The following TAS1R2 variants were observed in gnomAD, a reference collection of about 807,000 sequenced individuals.
The protein encoded by TAS1R2 is taste receptor type 1 member 2.
Under a neutral mutation model 49.3 loss-of-function variants are expected in TAS1R2, and 47 were observed. That is an observed-to-expected ratio of 0.95 (90% CI 0.75 to 1.22). The LOEUF is 1.22. TAS1R2 is among the 50% of genes most tolerant of loss of function. The pLI is 0.00. For missense variants in TAS1R2, 1,155 were observed against 1,122.1 expected, an observed-to-expected ratio of 1.03 and a Z score of -0.42; for synonymous variants, 479 against 467.9, an observed-to-expected ratio of 1.02 and a Z score of -0.31.
At chr1:18,851,496 A>AT (rs1481641041) in intron 3 of TAS1R2, among the ~76,000 whole-genome samples, 1 of 151,858 alleles carries the variant, frequency 6.6e-6, no homozygotes, top group African/African-American at 2.4e-5. Flanking sequence ...TGCCCAGCTA[A>AT]TTTTTTGTTT....
At position 18,854,339 on chromosome 1, in the gene TAS1R2, G is replaced by A; in HGVS notation, c.1131C>T (p.Leu377=). The change falls in exon 3 of 6, where the codon CTC becomes CTT. Residue 377 remains leucine (L), a synonymous_variant. Transcript: ENST00000375371. The surrounding 1 kb of genome is among the most constrained non-coding windows in gnomAD (Gnocchi z 4.9). ...AGACGACACGCTCCCCAGAGAGCCT[G>A]AGAATGGTGTTGAAGGACAAGGTGG... 1.2e-6 allele frequency: 2 copies of A among 1,614,004 alleles called. No homozygotes were observed. The highest frequency in any genetic ancestry group is 1.7e-6 in the Non-Finnish European group (2 of 1,179,918).
intron 1 of TAS1R2, among the ~76,000 whole-genome samples, chr1:18,858,982 C>T (rs1934190487): frequency 6.6e-6 from 1 of 152,200 alleles, no homozygotes; most frequent in African/African-American, 2.4e-5. Context: ...CCACAATCTC[C>T]AAGTGATGCT....
At chr1:18,844,535 A>G (rs1003323790) in intron 4 of TAS1R2, among the ~76,000 whole-genome samples, 2 of 152,164 alleles carry the variant, frequency 1.3e-5, no homozygotes, top group African/African-American at 2.4e-5. Context: ...CGGCAGATCA[A>G]TTGAGGTCAG....
At chr1:18,840,247 C>A in exon 6 of TAS1R2, 1 of 1,613,988 alleles carries the variant, frequency 6.2e-7, no homozygotes, top group Non-Finnish European at 8.5e-7. Context: ...AGACCTTGGG[C>A]GGCCCCACGT....
At chr1:18,851,164 G>A (rs1934014258) in intron 3 of TAS1R2, among the ~76,000 whole-genome samples, 1 of 152,108 alleles carries the variant, frequency 6.6e-6, no homozygotes, top group Non-Finnish European at 1.5e-5. Flanking sequence ...CGAACAGGTG[G>A]GCCATATCCG....
chr1:18,844,684 G>A (rs922640156), intron 4 of TAS1R2, among the ~76,000 whole-genome samples: 6 of 152,144 alleles, frequency 3.9e-5, no homozygotes, highest in African/African-American at 1.4e-4. Context: ...ATCCCTGGGG[G>A]CGGAGGTTGC....
Position 18,854,108 on chromosome 1 carries a change from G to T in TAS1R2, c.1257+105C>A. On this transcript the variant is annotated intron_variant, in intron 3 of 5. Transcript: ENST00000375371. This position sits in a 1 kb window ranked among gnomAD's most constrained non-coding sequence, Gnocchi z 4.9. ...GCACCAGGAAGGACTAGTGCTATGT[G>T]TCTGGAAGAATGGGATACTCATGCC... is the stretch of plus-strand genomic sequence containing the variant. 1 of 1,155,866 alleles carries T rather than the reference G, an allele frequency of 8.7e-7. No homozygotes were observed. The allele number at this position is 1,155,866 out of a possible 1,614,324, so 71.6% of individuals were successfully genotyped here.
chr1:18,854,148 T>TTC lies in TAS1R2; in HGVS notation c.1257+64_1257+65insGA. The TTC allele has an allele frequency of 6.6e-7, 1 of 1,503,956 alleles. No individual in the cohort carries two copies. The highest frequency in any genetic ancestry group is 1.4e-5 in the African/African-American group (1 of 72,750). 93.2% of individuals were successfully genotyped at this position (1,503,956 alleles called of 1,614,324 possible). On this transcript the variant is annotated intron_variant, in intron 3 of 5. Transcript: ENST00000375371. This position sits in a 1 kb window ranked among gnomAD's most constrained non-coding sequence, Gnocchi z 4.9. ...ATACTCATGCCCTTTCACACCCATT[T>TTC]GCCCAGAACCCCAGGGGAGGAGGAT...
chr1:18,841,119 A>G (rs1039088094), intron 5 of TAS1R2, among the ~76,000 whole-genome samples: 1 of 152,264 alleles, frequency 6.6e-6, no homozygotes, highest in Non-Finnish European at 1.5e-5. Context: ...CATTTAATTT[A>G]CATGAAGTCA....
exon 6 of TAS1R2, chr1:18,839,747 A>G: frequency 1.2e-6 from 2 of 1,614,256 alleles, no homozygotes; most frequent in South Asian, 1.1e-5. Context: ...CAAGAGGTCC[A>G]CGATGGTGAC....
chr1:18,855,863 T>C (rs1160329975), intron 2 of TAS1R2, among the ~76,000 whole-genome samples: 1 of 152,198 alleles, frequency 6.6e-6, no homozygotes, highest in African/African-American at 2.4e-5. Context: ...CAGGTCACAC[T>C]GGATCCATCA....
chr1:18,857,835 C>G (rs981279233), intron 1 of TAS1R2, among the ~76,000 whole-genome samples: 1 of 152,242 alleles, frequency 6.6e-6, no homozygotes, highest in African/African-American at 2.4e-5. Flanking sequence ...ATGGCCACCA[C>G]TGATACTGTT....
rs144954233 is a variant in TAS1R2 at position 18,839,663 on chromosome 1, G to A, written c.2456C>T (p.Pro819Leu). ...GAAGTAGGCGGGCGTGTTGCGCTCCGGGTAGAAGAGGATCATGTAGCACTT... is the reference window on the plus strand; with the variant it reads ...GAAGTAGGCGGGCGTGTTGCGCTCCAGGTAGAAGAGGATCATGTAGCACTT... Residue 819 changes from proline (P) to leucine (L), a missense_variant, in exon 6 of 6, where the codon CCG becomes CTG. Physicochemically the swap from Pro to Leu is moderately conservative, Grantham distance 98 (BLOSUM62 -3). Coordinates refer to ENST00000375371, the Ensembl canonical transcript of TAS1R2. 2.5e-4 allele frequency: 411 copies of A among 1,614,168 alleles called. 2 individuals are homozygous for A. Among genetic ancestry groups the A allele is most frequent in the African/African-American group, 6.3e-4 (47 of 75,036 alleles).
intron 3 of TAS1R2, among the ~76,000 whole-genome samples, chr1:18,853,622 C>T (rs1488609907): frequency 2.0e-5 from 3 of 152,024 alleles, no homozygotes; most frequent in Non-Finnish European, 2.9e-5. Flanking sequence ...GGAGGCTGGC[C>T]CCAAACTGTG....
Position 18,854,811 on chromosome 1 carries a change from C to T in TAS1R2, c.659G>A (p.Gly220Asp). ...GGCCACGCGCTCGCCAAGCAGCTGGCCATTGTCGCGGCCATAGGTGTCGCT... is the reference window on the plus strand; with the variant it reads ...GGCCACGCGCTCGCCAAGCAGCTGGTCATTGTCGCGGCCATAGGTGTCGCT... The change falls in exon 3 of 6, where the codon GGC becomes GAC. Residue 220 changes from glycine to aspartate, a missense_variant. Physicochemically the swap from Gly to Asp is moderately conservative, Grantham distance 94. Transcript: ENST00000375371. This position sits in a 1 kb window ranked among gnomAD's most constrained non-coding sequence, Gnocchi z 4.9. 1 of 1,606,536 alleles carries T rather than the reference C, an allele frequency of 6.2e-7. No homozygotes were observed. Among genetic ancestry groups the T allele is most frequent in the Non-Finnish European group, 8.5e-7 (1 of 1,179,006 alleles).
chr1:18,856,784 C>T (rs1934142421), intron 2 of TAS1R2, among the ~76,000 whole-genome samples: 1 of 152,144 alleles, frequency 6.6e-6, no homozygotes, highest in Non-Finnish European at 1.5e-5. Context: ...ACCAGTACTG[C>T]ACTTGGCACT....
At chr1:18,845,755 C>A (rs1393769938) in intron 4 of TAS1R2, among the ~76,000 whole-genome samples, 2 of 152,146 alleles carry the variant, frequency 1.3e-5, no homozygotes, top group African/African-American at 2.4e-5. Flanking sequence ...TCCCAGTGCA[C>A]CTGCGGGTGG....
intron 5 of TAS1R2, 61 bp downstream of exon 5, chr1:18,841,668 C>CCAGGGGCAGGG (rs774953417): frequency 1.6e-5 from 25 of 1,576,558 alleles, no homozygotes; most frequent in South Asian, 9.2e-5. Flanking sequence ...CCTAGAGACT[C>CCAGGGGCAGGG]CAGGGGCAGG....
At chr1:18,840,055 G>C in exon 6 of TAS1R2, 2 of 1,614,244 alleles carry the variant, frequency 1.2e-6, no homozygotes, top group South Asian at 2.2e-5. Context: ...TGACCATTTT[G>C]AGTACCGTGA....
Sources: allele counts gnomAD v4.1 joint callset (sites outside exome capture counted in the v4.1 genomes callset), GRCh38; gene constraint gnomAD v4.1.1; non-coding constraint Gnocchi (gnomAD v3.1); transcripts MANE v1.5; gene names NCBI Gene and HGNC (gene_info 2026-07-23, HGNC 2026-07-21).